STK17B: variants seen among roughly 807,000 people sequenced by gnomAD.
STK17B encodes serine/threonine-protein kinase 17B.
Under a neutral mutation model 42.0 loss-of-function variants are expected in STK17B, and 21 were observed. That is an observed-to-expected ratio of 0.50 (90% confidence interval 0.35 to 0.72). STK17B has a LOEUF of 0.72. Among genes scored for constraint, STK17B ranks in the 30% least tolerant of loss-of-function variants. The pLI is 0.00. For synonymous variants in STK17B, 143 were observed against 148.4 expected (o/e 0.96, Z 0.26); for missense variants, 349 against 446.0 (o/e 0.78, Z 1.96).
At chr2:196,166,774 A>G (rs901665185) in intron 1 of STK17B, among the ~76,000 whole-genome samples, 3 of 152,214 alleles carry the variant, frequency 2.0e-5, no homozygotes, top group African/African-American at 7.2e-5. Flanking sequence ...GTGTGATGTG[A>G]ACAAAAGCAA....
In STK17B at chr2:196,137,011, T is replaced by C. The variant is rs1699415340; in HGVS notation, c.*436A>G. On this transcript the variant is annotated 3_prime_UTR_variant, in exon 8 of 8. Transcript: ENST00000263955. ...TATTTTGGCTTAAACTTCATACTGC[T>C]TTCCTAAACAAATTATGTTGATAGA... The C allele has an allele frequency of 6.5e-6, 1 of 154,030 alleles. No individual in the cohort carries two copies. The highest frequency in any genetic ancestry group is 1.4e-5 in the Non-Finnish European group (1 of 69,354). 9.5% of individuals were successfully genotyped at this position (154,030 alleles called of 1,614,324 possible).
intron 3 of STK17B, among the ~76,000 whole-genome samples, chr2:196,149,622 C>T (rs1281733733): frequency 6.6e-6 from 1 of 152,058 alleles, no homozygotes; most frequent in African/African-American, 2.4e-5. Flanking sequence ...CTATATGGTA[C>T]ATATAAAGAT....
At position 196,171,371 on chromosome 2, in the gene STK17B, C is replaced by T. The variant is rs886701055; in HGVS notation, c.-83G>A. On this transcript the variant is annotated 5_prime_UTR_variant, in exon 1 of 8. Transcript: ENST00000263955. ...GCAGGTTCTCCCGGGACTGCCCCCT[C>T]CAGGGGGCCGCTGTCCCGCCCCACG... 1 of 152,408 alleles carries T rather than the reference C, an allele frequency of 6.6e-6. No individual in the cohort carries two copies. Among genetic ancestry groups the T allele is most frequent in the African/African-American group, 2.4e-5 (1 of 41,444 alleles). The allele number at this position is 152,408 out of a possible 1,614,324, so 9.4% of individuals were successfully genotyped here.
At chr2:196,172,891 C>T (rs1005792505), upstream of STK17B, among the ~76,000 whole-genome samples, 3 of 152,110 alleles carry the variant, frequency 2.0e-5, no homozygotes, top group Non-Finnish European at 4.4e-5. Flanking sequence ...AGACTGTTCC[C>T]ATCTTTTCTT....
chr2:196,165,943 TA>T (rs1226628212), intron 1 of STK17B, among the ~76,000 whole-genome samples: 1 of 152,256 alleles, frequency 6.6e-6, no homozygotes, highest in Non-Finnish European at 1.5e-5. Flanking sequence ...ACTTCATTCT[TA>T]AAAGTATTTT....
chr2:196,144,644 G>A (rs2105683787), intron 4 of STK17B, among the ~76,000 whole-genome samples: 1 of 152,208 alleles, frequency 6.6e-6, no homozygotes, highest in Non-Finnish European at 1.5e-5. Flanking sequence ...GATGAGCCAG[G>A]TCTGACTGTT....
chr2:196,146,334 T>C (rs569513525), intron 3 of STK17B, among the ~76,000 whole-genome samples: 1 of 151,878 alleles, frequency 6.6e-6, no homozygotes, highest in Non-Finnish European at 1.5e-5. Flanking sequence ...TGGTGAAACA[T>C]CTCTACTAAA....
Position 196,156,606 on chromosome 2 carries a change from G to A in STK17B, c.168C>T (p.Gly56=), listed in dbSNP as rs1291012186. 6.2e-7 allele frequency: 1 copy of A among 1,613,794 alleles called. No individual in the cohort carries two copies. Among genetic ancestry groups the A allele is most frequent in the African/African-American group, 1.3e-5 (1 of 74,848 alleles). ...VVRQCISKST[G]QEYAAKFLKK... The stretch of plus-strand genomic sequence containing the variant: ...TTAGAAATTTTGCAGCATATTCTTG[G>A]CCAGTAGATTTTGATATACATTGTC... Residue 56 remains glycine (G), a synonymous_variant, in exon 3 of 8, where the codon GGC becomes GGT. Coordinates refer to ENST00000263955, the MANE Select transcript of STK17B (RefSeq NM_004226.4).
At chr2:196,143,441 T>C (rs1021679285) in intron 5 of STK17B, 119 bp downstream of exon 5, 8 of 1,001,296 alleles carry the variant, frequency 8.0e-6, no homozygotes, top group South Asian at 4.1e-5. Flanking sequence ...ATCAAAATAC[T>C]TGAACCAATC....
intron 5 of STK17B, 64 bp from the exon 6 acceptor site, chr2:196,141,361 T>A (rs1361734806): frequency 1.6e-5 from 21 of 1,332,978 alleles, no homozygotes; most frequent in Non-Finnish European, 7.4e-6. Context: ...AATCACTTTA[T>A]ATTACGTTAT....
At chr2:196,165,605 G>A (rs1349234326) in intron 1 of STK17B, 2 of 152,122 alleles carry the variant, frequency 1.3e-5, no homozygotes, top group African/African-American at 4.8e-5. Flanking sequence ...TTTAAGTTTG[G>A]CTATTCTAGT....
At position 196,156,527 on chromosome 2, in the gene STK17B, C is replaced by G; in HGVS notation, c.247G>C (p.Val83Leu). 6.2e-7 allele frequency: 1 copy of G among 1,614,092 alleles called. No homozygotes were observed. Among genetic ancestry groups the G allele is most frequent in the Non-Finnish European group, 8.5e-7 (1 of 1,179,996 alleles). The change falls in exon 3 of 8, where the codon GTG (valine) becomes CTG (leucine). Residue 83 changes from valine (V) to leucine (L), a missense_variant. By Grantham distance (32) the Val-to-Leu change is conservative. This residue lies in a region of STK17B where 256 missense variants were observed against 347.7 expected (regional missense o/e 0.74). Transcript: ENST00000263955. ...GGACAAGACTTTGCCAATTCAAGCA[C>G]AGCAATCTCGTGTAAAATTTCTGCT... ...CRAEILHEIA[V>L]LELAKSCPRV...
intron 3 of STK17B, among the ~76,000 whole-genome samples, chr2:196,152,598 A>G (rs567676816): frequency 6.6e-6 from 1 of 152,360 alleles, no homozygotes; most frequent in Non-Finnish European, 1.5e-5. Flanking sequence ...CATACAACAG[A>G]GTACTATGCA....
chr2:196,162,013 A>C (rs1416552868), intron 2 of STK17B, among the ~76,000 whole-genome samples: 1 of 152,184 alleles, frequency 6.6e-6, no homozygotes, highest in Non-Finnish European at 1.5e-5. Flanking sequence ...CACATTTATC[A>C]ACACAAATAT....
At chr2:196,175,153 AATT>A (rs1163050070), upstream of STK17B, among the ~76,000 whole-genome samples, 1 of 152,202 alleles carries the variant, frequency 6.6e-6, no homozygotes, top group Non-Finnish European at 1.5e-5. Flanking sequence ...AATCAACAAA[AATT>A]ATTGAGACAT....
At chr2:196,164,533 CT>C (rs1208346850) in intron 1 of STK17B, among the ~76,000 whole-genome samples, 3 of 151,726 alleles carry the variant, frequency 2.0e-5, no homozygotes, top group Non-Finnish European at 4.4e-5. Context: ...GCTATGCCTA[CT>C]TAATAAAATA....
chr2:196,173,587 C>G (rs994816053), upstream of STK17B, among the ~76,000 whole-genome samples: 2 of 152,178 alleles, frequency 1.3e-5, no homozygotes, highest in Non-Finnish European at 2.9e-5. Flanking sequence ...TGTGGCCTTG[C>G]AGGAAAATTC....
At chr2:196,154,397 T>C (rs1406975708) in intron 3 of STK17B, 7 of 152,222 alleles carry the variant, frequency 4.6e-5, no homozygotes, top group African/African-American at 1.7e-4. Flanking sequence ...TAATAAAACC[T>C]GACTTTATTG....
At chr2:196,146,282 G>A (rs981182780) in intron 3 of STK17B, among the ~76,000 whole-genome samples, 10 of 152,124 alleles carry the variant, frequency 6.6e-5, no homozygotes, top group African/African-American at 1.4e-4. Flanking sequence ...TGAGATAGGC[G>A]AATCACTGAA....
Sources: gnomAD v4.1 joint callset for allele counts (sites outside exome capture counted in the v4.1 genomes callset) on GRCh38, gnomAD v4.1.1 for gene constraint, gnomAD v4.1.1 regional missense constraint, MANE v1.5 for transcripts, NCBI Gene and HGNC (gene_info 2026-07-23, HGNC 2026-07-21) for gene names.